DPH6: variants seen among roughly 807,000 people sequenced by gnomAD.
The protein encoded by DPH6 is diphthine--ammonia ligase.
DPH6 carries 33 observed loss-of-function variants against 38.2 expected under a neutral mutation model. That is an observed-to-expected ratio of 0.86 (90% CI 0.65 to 1.15). DPH6 has a LOEUF of 1.15. Among genes scored for constraint, DPH6 ranks in the 50% most tolerant of loss-of-function variants. DPH6 has a pLI of 0.00. For synonymous variants in DPH6, 108 were observed against 103.0 expected (o/e 1.05, Z -0.30); for missense variants, 325 against 320.0 (o/e 1.02, Z -0.12).
intron 5 of DPH6, among the ~76,000 whole-genome samples, chr15:35,426,224 C>A (rs541145445): frequency 1.3e-5 from 2 of 151,594 alleles, no homozygotes; most frequent in Non-Finnish European, 3.0e-5. Context: ...TTCAAAAATT[C>A]TCTGCTAAGG....
intron 3 of DPH6, among the ~76,000 whole-genome samples, chr15:35,339,372 C>T (rs3937632): frequency 0.38 from 58,038 of 151,274 alleles, 13,265 homozygotes; most frequent in East Asian, 0.64. Flanking sequence ...TCACCCAGGC[C>T]GGAGTGCAGT....
intron 3 of DPH6, among the ~76,000 whole-genome samples, chr15:35,476,464 T>C (rs2054264878): frequency 6.6e-6 from 1 of 151,872 alleles, no homozygotes; most frequent in Non-Finnish European, 1.5e-5. Context: ...AAATAAAAGC[T>C]AGAAATGACC....
intron 3 of DPH6, chr15:35,299,520 A>G: frequency 1.6e-6 from 1 of 643,034 alleles, no homozygotes; most frequent in Non-Finnish European, 2.8e-6. Flanking sequence ...CCGGGGAGGC[A>G]GGAGCCAACG....
intron 3 of DPH6, among the ~76,000 whole-genome samples, chr15:35,260,525 A>G (rs963280122): frequency 4.0e-5 from 6 of 150,944 alleles, no homozygotes; most frequent in Admixed American, 1.3e-4. Flanking sequence ...AAGTAATATG[A>G]AGTTTAATAT....
the DPH6 span, among the ~76,000 whole-genome samples, chr15:35,207,959 A>G: frequency 6.6e-6 from 1 of 152,106 alleles, no homozygotes; most frequent in Non-Finnish European, 1.5e-5. Flanking sequence ...AATTACCTTT[A>G]TTTTTCAAGC....
chr15:35,343,255 T>A (rs987205133), intron 3 of DPH6, among the ~76,000 whole-genome samples: 9 of 152,166 alleles, frequency 5.9e-5, no homozygotes, highest in Non-Finnish European at 1.3e-4. Flanking sequence ...TTAAAATACA[T>A]TTTTGTAATG....
chr15:35,326,940 G>T (rs1375853800), downstream of DPH6, among the ~76,000 whole-genome samples: 1 of 152,136 alleles, frequency 6.6e-6, no homozygotes, highest in Non-Finnish European at 1.5e-5. Flanking sequence ...GTGTTAAACA[G>T]ACATTTAAGG....
At chr15:35,403,744 G>C (rs947751255) in intron 6 of DPH6, among the ~76,000 whole-genome samples, 4 of 151,768 alleles carry the variant, frequency 2.6e-5, no homozygotes, top group Non-Finnish European at 5.9e-5. Flanking sequence ...CTGGACTGAA[G>C]TGATTCACTC....
intron 8 of DPH6, 113 bp downstream of exon 8, chr15:35,373,408 T>A: frequency 2.2e-6 from 2 of 928,324 alleles, no homozygotes; most frequent in African/African-American, 1.7e-5. Context: ...CCACTAATGA[T>A]AAAAATCAAT....
At chr15:35,446,258 G>T in intron 5 of DPH6, among the ~76,000 whole-genome samples, 1 of 129,228 alleles carries the variant, frequency 7.7e-6, no homozygotes. Context: ...CTGAGACAGG[G>T]TCTTGCTCTT....
chr15:35,504,778 T>C (rs1011735439), intron 3 of DPH6, among the ~76,000 whole-genome samples: 7 of 152,110 alleles, frequency 4.6e-5, no homozygotes, highest in African/African-American at 1.7e-4. Flanking sequence ...CTTAGCAATA[T>C]ACAAAGATAT....
intron 3 of DPH6, among the ~76,000 whole-genome samples, chr15:35,468,198 T>C (rs1260658968): frequency 6.6e-6 from 1 of 152,236 alleles, no homozygotes; most frequent in African/African-American, 2.4e-5. Context: ...CTCTATGCAT[T>C]ATCTCATTTT....
At chr15:35,158,064 A>G in the DPH6 span, among the ~76,000 whole-genome samples, 1 of 152,098 alleles carries the variant, frequency 6.6e-6, no homozygotes, top group African/African-American at 2.4e-5. Flanking sequence ...CCATATTCCA[A>G]CAAAGGAGGA....
chr15:35,307,348 C>A (rs1490120959), intron 3 of DPH6, among the ~76,000 whole-genome samples: 5 of 151,942 alleles, frequency 3.3e-5, no homozygotes, highest in African/African-American at 1.2e-4. Flanking sequence ...AAAGAATTCT[C>A]TATTATTAAA....
intron 3 of DPH6, among the ~76,000 whole-genome samples, chr15:35,313,240 A>T (rs868575060): frequency 4.8e-4 from 69 of 142,422 alleles, no homozygotes; most frequent in East Asian, 8.1e-4. Context: ...TTAAAAAAAA[A>T]TTTTTTTTTT....
chr15:35,287,509 T>C (rs913680235), intron 3 of DPH6, among the ~76,000 whole-genome samples: 8 of 152,200 alleles, frequency 5.3e-5, no homozygotes, highest in Non-Finnish European at 1.0e-4. Flanking sequence ...GTGTGTATCA[T>C]GTTTCCAGAT....
chr15:35,462,973 T>C (rs117081591), intron 3 of DPH6, among the ~76,000 whole-genome samples: 3,639 of 152,308 alleles, frequency 0.024, 57 homozygotes, highest in Middle Eastern at 0.054. Context: ...AGGGTATCTT[T>C]GTCTTTCAAA....
chr15:35,397,170 C>G (rs1046154074), intron 6 of DPH6, among the ~76,000 whole-genome samples: 10 of 152,312 alleles, frequency 6.6e-5, no homozygotes, highest in African/African-American at 2.4e-4. Flanking sequence ...TTGCATTTAT[C>G]CAGGTTTAGC....
chr15:35,373,703 T>A, intron 7 of DPH6, 95 bp from the exon 8 acceptor site: 1 of 918,728 alleles, frequency 1.1e-6, no homozygotes, highest in Non-Finnish European at 1.6e-6. Flanking sequence ...CATTCTTGTT[T>A]TATATTTATC....
Sources: gnomAD v4.1 joint callset for allele counts (sites outside exome capture counted in the v4.1 genomes callset) on GRCh38, gnomAD v4.1.1 for gene constraint, MANE v1.5 for transcripts, NCBI Gene and HGNC (gene_info 2026-07-23, HGNC 2026-07-21) for gene names.